PDE8B: variants seen among roughly 807,000 people sequenced by gnomAD.
The protein encoded by PDE8B is phosphodiesterase 8B.
PDE8B carries 26 observed loss-of-function variants against 101.3 expected under a neutral mutation model. The ratio of observed to expected loss-of-function variants is 0.26; its 90% confidence interval spans 0.19 to 0.36. The LOEUF (loss-of-function observed/expected upper bound fraction) is 0.36, where lower values mean the gene tolerates loss of function less well. Among genes scored for constraint, PDE8B ranks in the 10% least tolerant of loss-of-function variants. The probability of loss-of-function intolerance (pLI) is 1.00; values close to 1 mark genes in which losing one functional copy is unlikely to be tolerated. For missense variants in PDE8B, 810 were observed against 1,163.1 expected, an observed-to-expected ratio of 0.70 and a Z score of 4.42; for synonymous variants, 424 against 429.3, an observed-to-expected ratio of 0.99 and a Z score of 0.15.
At chr5:77,172,159 G>A in the PDE8B span, among the ~76,000 whole-genome samples, 42,766 of 152,000 alleles carry the variant, frequency 0.28, 8,424 homozygotes, top group African/African-American at 0.55. Flanking sequence ...CCTCTGACTG[G>A]GAAAATTCAT....
At chr5:77,097,238 C>T in the PDE8B span, among the ~76,000 whole-genome samples, 31,823 of 152,024 alleles carry the variant, frequency 0.21, 4,046 homozygotes, top group Admixed American at 0.31. Context: ...AACAGAGTTG[C>T]TGGAATGGGG....
the PDE8B span, chr5:77,118,355 G>A: frequency 2.7e-4 from 108 of 398,518 alleles, no homozygotes; most frequent in Non-Finnish European, 4.5e-4. Context: ...ATGAGGACAG[G>A]GCAGGCCGAA....
chr5:77,244,578 AAAT>A (rs373229403), intron 1 of PDE8B, among the ~76,000 whole-genome samples: 1 of 152,110 alleles, frequency 6.6e-6, no homozygotes, highest in Non-Finnish European at 1.5e-5. Flanking sequence ...AGAGACTTTG[AAAT>A]AATAATAATA....
At chr5:77,406,221 G>A (rs1032781705) in intron 12 of PDE8B, among the ~76,000 whole-genome samples, 8 of 152,154 alleles carry the variant, frequency 5.3e-5, no homozygotes, top group African/African-American at 1.9e-4. Context: ...GGAGGCGGAG[G>A]TTGTGGTGAG....
At chr5:77,257,833 C>G (rs1356943130) in intron 1 of PDE8B, among the ~76,000 whole-genome samples, 1 of 152,138 alleles carries the variant, frequency 6.6e-6, no homozygotes, top group Non-Finnish European at 1.5e-5. Context: ...CATCCCCAAC[C>G]CTGACAGGCC....
chr5:77,276,698 C>G (rs1763923385), intron 1 of PDE8B, among the ~76,000 whole-genome samples: 1 of 152,034 alleles, frequency 6.6e-6, no homozygotes, highest in African/African-American at 2.4e-5. Flanking sequence ...ATGCTTAGCC[C>G]TTCAGATACC....
At chr5:77,090,836 A>G in the PDE8B span, among the ~76,000 whole-genome samples, 1 of 152,172 alleles carries the variant, frequency 6.6e-6, no homozygotes, top group Admixed American at 6.5e-5. Flanking sequence ...GATTGTTACC[A>G]TATCTTTTGG....
chr5:77,321,872 A>G (rs1043576425), intron 2 of PDE8B, among the ~76,000 whole-genome samples: 2 of 152,186 alleles, frequency 1.3e-5, no homozygotes, highest in African/African-American at 2.4e-5. Context: ...TTTATTATTC[A>G]GGTATGGTAA....
chr5:77,381,739 A>G (rs894069992), intron 10 of PDE8B, among the ~76,000 whole-genome samples: 5 of 152,098 alleles, frequency 3.3e-5, no homozygotes, highest in Middle Eastern at 3.2e-3. Flanking sequence ...TAAATTCTAT[A>G]ATTTAAGGTC....
At chr5:77,329,722 G>A (rs757171717) in intron 4 of PDE8B, among the ~76,000 whole-genome samples, 2 of 152,208 alleles carry the variant, frequency 1.3e-5, no homozygotes, top group African/African-American at 4.8e-5. Flanking sequence ...ATCTTGGCAG[G>A]TAACAAAATT....
intron 1 of PDE8B, among the ~76,000 whole-genome samples, chr5:77,237,569 A>G (rs1477064747): frequency 6.6e-6 from 1 of 152,168 alleles, no homozygotes; most frequent in Non-Finnish European, 1.5e-5. Flanking sequence ...AGTTATATGT[A>G]CATTGAAAAC....
At chr5:77,322,644 A>T in intron 2 of PDE8B, among the ~76,000 whole-genome samples, 1 of 152,120 alleles carries the variant, frequency 6.6e-6, no homozygotes, top group Non-Finnish European at 1.5e-5. Context: ...TCTTGCCTTC[A>T]GGCATTTGCT....
intron 6 of PDE8B, among the ~76,000 whole-genome samples, 192 bp from the exon 7 acceptor site, chr5:77,344,661 C>T (rs1026635981): frequency 1.2e-4 from 19 of 152,174 alleles, no homozygotes; most frequent in African/African-American, 7.2e-5. Context: ...AAGGCCCTGC[C>T]TCTTCATACT....
chr5:77,426,146 G>A (rs542923564), intron 21 of PDE8B: 21 of 591,172 alleles, frequency 3.6e-5, no homozygotes, highest in East Asian at 1.2e-4. Context: ...CAAAGGACAC[G>A]CTGCCAAAGC....
At chr5:77,202,567 T>G in the PDE8B span, among the ~76,000 whole-genome samples, 3 of 152,240 alleles carry the variant, frequency 2.0e-5, no homozygotes, top group African/African-American at 7.2e-5. Flanking sequence ...ACATATAACA[T>G]GTAAAATATG....
At chr5:77,385,453 G>A (rs560768015) in intron 10 of PDE8B, among the ~76,000 whole-genome samples, 2 of 149,548 alleles carry the variant, frequency 1.3e-5, no homozygotes, top group Non-Finnish European at 3.0e-5. Context: ...TTCTTTTTAA[G>A]GGTTTTTCGT....
intron 1 of PDE8B, among the ~76,000 whole-genome samples, chr5:77,245,839 T>C (rs887946869): frequency 0.14 from 863 of 6,014 alleles, no homozygotes; most frequent in East Asian, 0.26. Context: ...TATAACCTCC[T>C]CCCCCCCCCG....
chr5:77,294,971 C>A (rs959143629), intron 1 of PDE8B, among the ~76,000 whole-genome samples: 2 of 151,264 alleles, frequency 1.3e-5, no homozygotes, highest in Non-Finnish European at 2.9e-5. Flanking sequence ...AAAAACCAAA[C>A]CCCGTTGTGT....
the PDE8B span, among the ~76,000 whole-genome samples, chr5:77,097,965 C>T: frequency 6.6e-6 from 1 of 151,322 alleles, no homozygotes; most frequent in East Asian, 2.0e-4. Flanking sequence ...CAAGTAGCTA[C>T]AGGTAGCTTC....
Sources: gnomAD v4.1 joint callset for allele counts (sites outside exome capture counted in the v4.1 genomes callset) on GRCh38, gnomAD v4.1.1 for gene constraint, MANE v1.5 for transcripts, NCBI Gene and HGNC (gene_info 2026-07-23, HGNC 2026-07-21) for gene names.